Variants in WWOX observed in about 807,000 individuals in gnomAD.
WWOX encodes the protein WW domain-containing oxidoreductase.
WWOX carries 69 observed loss-of-function variants against 46.2 expected under a neutral mutation model. The observed-to-expected ratio is 1.49, with a 90% CI of 1.23 to 1.82. The LOEUF is 1.82. Ranked by LOEUF, WWOX falls within the 40% of genes most tolerant of loss-of-function variation. WWOX has a pLI of 0.00. For missense variants in WWOX, 919 were observed against 542.6 expected (o/e 1.69, Z -6.89); for synonymous variants, 359 against 202.6 (o/e 1.77, Z -6.56).
chr16:78,991,984 C>T (rs2046896276), intron 8 of WWOX, among the ~76,000 whole-genome samples: 1 of 152,178 alleles, frequency 6.6e-6, no homozygotes, highest in African/African-American at 2.4e-5. Flanking sequence ...AAATGAAACT[C>T]AGGGGGTTGG....
At chr16:78,591,258 G>T in intron 8 of WWOX, among the ~76,000 whole-genome samples, 1 of 152,230 alleles carries the variant, frequency 6.6e-6, no homozygotes, top group Middle Eastern at 3.4e-3. Flanking sequence ...TGGGAACAAG[G>T]GAACCTTTCC....
At chr16:78,100,247 T>G in intron 1 of WWOX, 1 of 1,117,240 alleles carries the variant, frequency 9.0e-7, no homozygotes, top group African/African-American at 1.7e-5. Context: ...GATAGGAGTT[T>G]TGTTGTGTTT....
chr16:78,259,742 T>C (rs2038229097), intron 5 of WWOX, among the ~76,000 whole-genome samples: 1 of 151,532 alleles, frequency 6.6e-6, no homozygotes, highest in Non-Finnish European at 1.5e-5. Context: ...AGTTCTGAGA[T>C]ATAATTTGGA....
intron 8 of WWOX, among the ~76,000 whole-genome samples, chr16:78,847,319 T>A (rs1471672587): frequency 6.6e-6 from 1 of 152,214 alleles, no homozygotes; most frequent in Non-Finnish European, 1.5e-5. Context: ...TATTCCTGTA[T>A]CTCTGTGTAT....
At chr16:78,873,980 G>C (rs2044181214) in intron 8 of WWOX, among the ~76,000 whole-genome samples, 1 of 151,970 alleles carries the variant, frequency 6.6e-6, no homozygotes, top group East Asian at 1.9e-4. Context: ...GAAAGGTTCT[G>C]GCTGAGCACG....
At chr16:78,422,734 CACACATATATATACACATATAT>C (rs1457533762) in intron 6 of WWOX, among the ~76,000 whole-genome samples, 2 of 86,044 alleles carry the variant, frequency 2.3e-5, no homozygotes, top group Non-Finnish European at 1.9e-5. Context: ...TATATATACA[CACACATATATATACACATATAT>C]ACACATATAT....
At chr16:78,625,078 A>T (rs868616504) in intron 8 of WWOX, among the ~76,000 whole-genome samples, 5 of 152,202 alleles carry the variant, frequency 3.3e-5, no homozygotes, top group Non-Finnish European at 5.9e-5. Flanking sequence ...TGTAGCCGCC[A>T]CACATGGCAG....
intron 8 of WWOX, among the ~76,000 whole-genome samples, chr16:79,080,218 C>T (rs1323771109): frequency 6.6e-6 from 1 of 152,156 alleles, no homozygotes; most frequent in Non-Finnish European, 1.5e-5. Context: ...ACAGCCAAGC[C>T]TTGGGAGGGG....
chr16:78,886,981 A>T (rs1312784965), intron 8 of WWOX, among the ~76,000 whole-genome samples: 2 of 151,930 alleles, frequency 1.3e-5, no homozygotes, highest in South Asian at 4.2e-4. Context: ...TGCTGGGTTT[A>T]AGGAGGAGAA....
intron 8 of WWOX, among the ~76,000 whole-genome samples, chr16:78,572,776 G>T (rs1319374621): frequency 6.6e-6 from 1 of 152,142 alleles, no homozygotes; most frequent in Non-Finnish European, 1.5e-5. Flanking sequence ...TTTCCCAGGT[G>T]TGAGGGACGG....
chr16:79,115,087 C>T (rs1411653074), intron 8 of WWOX, among the ~76,000 whole-genome samples: 2 of 152,190 alleles, frequency 1.3e-5, no homozygotes, highest in African/African-American at 4.8e-5. Context: ...GGGACCAGGT[C>T]CCTCAATGCT....
chr16:78,934,349 A>AAAAAAAAAAAAAG (rs1380470282), intron 8 of WWOX, among the ~76,000 whole-genome samples: 1 of 148,316 alleles, frequency 6.7e-6, no homozygotes, highest in Non-Finnish European at 1.5e-5. Flanking sequence ...AAAAAAAAAA[A>AAAAAAAAAAAAAG]AAGAAGAAAC....
chr16:79,077,337 A>G (rs2048676639), intron 8 of WWOX: 1 of 152,194 alleles, frequency 6.6e-6, no homozygotes, highest in Admixed American at 6.5e-5. Context: ...GGGCATGGAA[A>G]GCAAACACAA....
intron 8 of WWOX, among the ~76,000 whole-genome samples, chr16:78,917,202 C>G (rs2045272128): frequency 6.6e-6 from 1 of 152,206 alleles, no homozygotes; most frequent in Non-Finnish European, 1.5e-5. Context: ...AGTCTTGGGT[C>G]ACATGATCTA....
chr16:78,762,638 G>C (rs1324786722), intron 8 of WWOX, among the ~76,000 whole-genome samples: 1 of 152,192 alleles, frequency 6.6e-6, no homozygotes, highest in African/African-American at 2.4e-5. Context: ...TTCCCAGGGA[G>C]ACTGCCCGTT....
chr16:78,109,618 G>A (rs900834484), intron 2 of WWOX, among the ~76,000 whole-genome samples, 160 bp from the exon 3 acceptor site: 3 of 151,630 alleles, frequency 2.0e-5, no homozygotes, highest in East Asian at 2.0e-4. Context: ...TTCTGCAGCT[G>A]TCGCAGTTGG....
At chr16:79,136,541 C>T (rs9932431) in intron 8 of WWOX, among the ~76,000 whole-genome samples, 3,683 of 152,218 alleles carry the variant, frequency 0.024, 186 homozygotes, top group African/African-American at 0.085. Flanking sequence ...GATGTCACTT[C>T]TTAGGCTAAT....
At chr16:78,463,153 G>C (rs2083992356) in intron 8 of WWOX, among the ~76,000 whole-genome samples, 1 of 152,210 alleles carries the variant, frequency 6.6e-6, no homozygotes, top group South Asian at 2.1e-4. Context: ...TGGCATGCCA[G>C]AGTGAAAACG....
chr16:78,303,138 T>G (rs736918), intron 5 of WWOX, among the ~76,000 whole-genome samples: 47,234 of 152,090 alleles, frequency 0.31, 7,930 homozygotes, highest in South Asian at 0.46. Flanking sequence ...GTATAGAGTA[T>G]TTGTCTTATT....
Sources: gnomAD v4.1 joint callset for allele counts (sites outside exome capture counted in the v4.1 genomes callset) on GRCh38, gnomAD v4.1.1 for gene constraint, MANE v1.5 for transcripts, NCBI Gene and HGNC (gene_info 2026-07-23, HGNC 2026-07-21) for gene names.